Variants in RGS19 observed in about 807,000 individuals in gnomAD.
RGS19 encodes G alpha interacting protein.
Under a neutral mutation model 22.0 loss-of-function variants are expected in RGS19, and 9 were observed. The ratio of observed to expected loss-of-function variants is 0.41; its 90% CI spans 0.25 to 0.71. The LOEUF (loss-of-function observed/expected upper bound fraction) is 0.71. RGS19 is among the 30% of genes least tolerant of loss of function. The pLI is 0.32. For missense variants in RGS19, 256 were observed against 307.1 expected, an observed-to-expected ratio of 0.83 and a Z score of 1.24; for synonymous variants, 130 against 127.3, an observed-to-expected ratio of 1.02 and a Z score of -0.14.
At chr20:64,074,917 C>A (rs573645190) in intron 3 of RGS19, among the ~76,000 whole-genome samples, 2 of 152,344 alleles carry the variant, frequency 1.3e-5, no homozygotes, top group East Asian at 3.9e-4. Context: ...CACTGGGCAA[C>A]CTCCTCCACC....
rs900957401 is a variant in RGS19, at chr20:64,073,614, T to G, written c.*239A>C. 4 of 481,562 alleles carry G rather than the reference T, an allele frequency of 8.3e-6. No homozygotes were observed. Among genetic ancestry groups the G allele is most frequent in the Admixed American group, 3.8e-5 (1 of 26,382 alleles). The allele number at this position is 481,562 out of a possible 1,614,324, so 29.8% of individuals were successfully genotyped here. ...ACTGGGCCAGCCAGCTGCGGGCCGA[T>G]GAGGGGGCTTCTGGCCCGCCCTGCA... On this transcript the variant is annotated 3_prime_UTR_variant, in exon 6 of 6. Transcript: ENST00000395042.
At position 64,073,961 on chromosome 20, in the gene RGS19, C is replaced by A. The variant is rs751164822; in HGVS notation, c.546G>T (p.Leu182=). ...PSAHTFDDAQ[L]QIYTLMHRDS... The stretch of plus-strand genomic sequence containing the variant: ...CCCGGTGCATGAGCGTGTAGATCTG[C>A]AGCTGCGCGTCGTCGAACGTGTGTG... Residue 182 remains leucine (L), a synonymous_variant, in exon 6 of 6, where the codon CTG becomes CTT. Coordinates refer to ENST00000395042, the MANE Select transcript of RGS19 (RefSeq NM_005873.3). The A allele has an allele frequency of 6.6e-7, 1 of 1,504,746 alleles. No individual in the cohort carries two copies. 93.2% of individuals were successfully genotyped at this position (1,504,746 alleles called of 1,614,324 possible). A position where few individuals can be genotyped will look rare whatever the true frequency, so the allele number is the denominator to read the frequency against.
At position 64,073,845 on chromosome 20, in the gene RGS19, G is replaced by C. The variant is rs566485649; in HGVS notation, c.*8C>G. ...GGAGGCGGCGGGGTCTGTGCTGCTG[G>C]GGGCGGCCTAGGCCTCGGAGGAGGA... On this transcript the variant is annotated 3_prime_UTR_variant, in exon 6 of 6. Transcript: ENST00000395042. 1.2e-6 allele frequency: 2 copies of C among 1,600,610 alleles called. No homozygotes were observed. Among genetic ancestry groups the C allele is most frequent in the African/African-American group, 2.7e-5 (2 of 74,850 alleles).
chr20:64,078,886 G>A (rs984609294), intron 1 of RGS19, among the ~76,000 whole-genome samples: 1 of 152,160 alleles, frequency 6.6e-6, no homozygotes, highest in Non-Finnish European at 1.5e-5. Context: ...CTGCTCTCTG[G>A]GGATAGAGGA....
intron 5 of RGS19, 29 bp from the exon 6 acceptor site, chr20:64,074,073 G>T (rs748312962): frequency 6.2e-7 from 1 of 1,604,260 alleles, no homozygotes; most frequent in Non-Finnish European, 8.5e-7. Flanking sequence ...AGGTCAGGGG[G>T]TGCGGGAGCT....
At chr20:64,078,304 C>T (rs1284904056) in intron 1 of RGS19, among the ~76,000 whole-genome samples, 1 of 24,050 alleles carries the variant, frequency 4.2e-5, no homozygotes, top group Non-Finnish European at 1.1e-4. Flanking sequence ...GGGGGTCCCA[C>T]GGGCTCCTAG....
chr20:64,073,861 CGGA>C lies in RGS19; in HGVS notation c.643_645del (p.Ser215del). On this transcript the variant is annotated inframe_deletion, in exon 6 of 6. Transcript: ENST00000395042. ...GTGCTGCTGGGGGCGGCCTAGGCCT[CGGA>C]GGAGGACTGTGATGGCCCCTGCAGC... The C allele has an allele frequency of 6.2e-7, 1 of 1,609,486 alleles. No homozygotes were observed. Among genetic ancestry groups the C allele is most frequent in the South Asian group, 1.1e-5 (1 of 90,872 alleles).
In RGS19 at chr20:64,079,024, G is replaced by C. The variant is rs2059935129; in HGVS notation, c.-69+270C>G. Among the ~76,000 whole-genome samples the C allele has an allele frequency of 6.6e-6, 1 of 152,186 alleles. No homozygotes were observed. The highest frequency in any genetic ancestry group is 2.1e-4 in the South Asian group (1 of 4,828). On this transcript the variant is annotated intron_variant, in intron 1 of 5. Coordinates refer to ENST00000395042, the MANE Select transcript of RGS19 (RefSeq NM_005873.3). This position sits in a 1 kb window ranked among gnomAD's most constrained non-coding sequence, Gnocchi z 5.1. ...AAAATGTCATAACCTTTGGGAGGGG[G>C]GTTGAAGAGGGGCTCCATTCTCAGT...
At position 64,075,734 on chromosome 20, in the gene RGS19, C is replaced by T. The variant is rs907845822; in HGVS notation, c.152+791G>A. ...GGATGCCCAGAGACGTCCCCGCCAC[C>T]GCCCCCTGCTCTTCTTCCCCCACGC... On this transcript the variant is annotated intron_variant, in intron 3 of 5. Transcript: ENST00000395042. This position sits in a 1 kb window ranked among gnomAD's most constrained non-coding sequence, Gnocchi z 4.6. Among the ~76,000 whole-genome samples, 12 of 152,306 alleles carry T rather than the reference C, an allele frequency of 7.9e-5. No homozygotes were observed. Among genetic ancestry groups the T allele is most frequent in the Non-Finnish European group, 7.4e-5 (5 of 68,010 alleles).
intron 5 of RGS19, 23 bp downstream of exon 5, chr20:64,074,121 G>A (rs199556353): frequency 6.2e-7 from 1 of 1,607,614 alleles, no homozygotes; most frequent in East Asian, 2.2e-5. Flanking sequence ...GCGGCCCCCG[G>A]CCTGTTCTGG....
Position 64,075,225 on chromosome 20 carries a change from C to T in RGS19, c.153-684G>A, listed in dbSNP as rs1195448856. Among the ~76,000 whole-genome samples the T allele has an allele frequency of 1.3e-5, 2 of 152,188 alleles. No individual in the cohort carries two copies. The highest frequency in any genetic ancestry group is 4.8e-5 in the African/African-American group (2 of 41,460). On this transcript the variant is annotated intron_variant, in intron 3 of 5. Coordinates refer to ENST00000395042, the MANE Select transcript of RGS19 (RefSeq NM_005873.3). This position sits in a 1 kb window ranked among gnomAD's most constrained non-coding sequence, Gnocchi z 4.6. The stretch of plus-strand genomic sequence containing the variant: ...TGATCTTGGCCTGTCCCTGTCCCAC[C>T]GATGGGGTCACACGCTGCAGGTCTG...
At chr20:64,074,597 C>T in intron 3 of RGS19, 56 bp from the exon 4 acceptor site, 3 of 1,487,020 alleles carry the variant, frequency 2.0e-6, no homozygotes, top group Non-Finnish European at 2.7e-6. Context: ...CACGGCCACA[C>T]AGGCCCTCAG....
In RGS19 at chr20:64,073,760, G is replaced by C; in HGVS notation, c.*93C>G. On this transcript the variant is annotated 3_prime_UTR_variant, in exon 6 of 6. Coordinates refer to ENST00000395042, the MANE Select transcript of RGS19 (RefSeq NM_005873.3). ...GCGGGTGGGGACCCCAGCCGGCCAG[G>C]CATGTGCCCTGACAGCCCTGCCGAC... 1.7e-6 allele frequency: 2 copies of C among 1,167,340 alleles called. No homozygotes were observed. The highest frequency in any genetic ancestry group is 2.9e-5 in the South Asian group (2 of 69,080). The allele number at this position is 1,167,340 out of a possible 1,614,324, so 72.3% of individuals were successfully genotyped here.
In RGS19 at chr20:64,073,616, A is replaced by G. The variant is rs1161456383; in HGVS notation, c.*237T>C. The G allele has an allele frequency of 2.0e-6, 1 of 489,858 alleles. No homozygotes were observed. Among genetic ancestry groups the G allele is most frequent in the South Asian group, 3.3e-5 (1 of 30,466 alleles). 30.3% of individuals were successfully genotyped at this position (489,858 alleles called of 1,614,324 possible). A position where few individuals can be genotyped will look rare whatever the true frequency, so the allele number is the denominator to read the frequency against. On this transcript the variant is annotated 3_prime_UTR_variant, in exon 6 of 6. Transcript: ENST00000395042. The stretch of plus-strand genomic sequence containing the variant: ...TGGGCCAGCCAGCTGCGGGCCGATG[A>G]GGGGGCTTCTGGCCCGCCCTGCACC...
intron 1 of RGS19, among the ~76,000 whole-genome samples, chr20:64,078,859 C>A (rs369762204): frequency 1.4e-4 from 22 of 152,176 alleles, no homozygotes; most frequent in East Asian, 1.3e-3. Flanking sequence ...ATGGGATAGG[C>A]TGGATAGGCG....
intron 3 of RGS19, 26 bp from the exon 4 acceptor site, chr20:64,074,567 G>A (rs375678607): frequency 2.1e-4 from 316 of 1,540,736 alleles, no homozygotes; most frequent in Admixed American, 3.0e-4. Context: ...AAGCAGCGCT[G>A]CCGTGGGCAC....
Position 64,073,559 on chromosome 20 carries a change from C to T in RGS19, c.*294G>A, listed in dbSNP as rs1184906583. The T allele has an allele frequency of 2.7e-6, 1 of 377,020 alleles. No homozygotes were observed. The highest frequency in any genetic ancestry group is 4.3e-5 in the Admixed American group (1 of 23,150). The allele number at this position is 377,020 out of a possible 1,614,324, so 23.4% of individuals were successfully genotyped here. A position where few individuals can be genotyped will look rare whatever the true frequency, so the allele number is the denominator to read the frequency against. On this transcript the variant is annotated 3_prime_UTR_variant, in exon 6 of 6. Transcript: ENST00000395042. The stretch of plus-strand genomic sequence containing the variant: ...CATGGCTCCTGGGGGGACCCCTACT[C>T]TCACCACGCAAGAGCCCCCAGCCAG...
Position 64,076,896 on chromosome 20 carries a change from G to A in RGS19, c.-10C>T. 1 of 1,525,662 alleles carries A rather than the reference G, an allele frequency of 6.6e-7. No individual in the cohort carries two copies. The highest frequency in any genetic ancestry group is 2.4e-5 in the East Asian group (1 of 41,970). 94.5% of individuals were successfully genotyped at this position (1,525,662 alleles called of 1,614,324 possible). Reference sequence around the variant, plus strand: ...CATGCGGGGTGGGCATGGGTGGGCGGAGGAGGTTGCCCAGGCTCCGTGGTA... The same window carrying A: ...CATGCGGGGTGGGCATGGGTGGGCGAAGGAGGTTGCCCAGGCTCCGTGGTA... On this transcript the variant is annotated 5_prime_UTR_variant, in exon 2 of 6. Transcript: ENST00000395042.
Position 64,073,864 on chromosome 20 carries a change from AG to A in RGS19, c.642del (p.Ser215ProfsTer114). The A allele has an allele frequency of 6.2e-7, 1 of 1,610,904 alleles. No individual in the cohort carries two copies. Among genetic ancestry groups the A allele is most frequent in the Non-Finnish European group, 8.5e-7 (1 of 1,178,342 alleles). Reference protein sequence around the residue: ...ALLLQGPSQSSSEA With the variant: ...ALLLQGPSQSXSEA ...CTGCTGGGGGCGGCCTAGGCCTCGG[AG>A]GAGGACTGTGATGGCCCCTGCAGCA... On this transcript the variant is annotated frameshift_variant, in exon 6 of 6. Transcript: ENST00000395042. LOFTEE classifies it high-confidence loss of function.
Sources: allele counts gnomAD v4.1 joint callset (sites outside exome capture counted in the v4.1 genomes callset), GRCh38; gene constraint gnomAD v4.1.1; non-coding constraint Gnocchi (gnomAD v3.1); transcripts MANE v1.5; gene names NCBI Gene and HGNC (gene_info 2026-07-23, HGNC 2026-07-21).